The following ATG10 variants were observed in gnomAD, a reference collection of about 807,000 sequenced individuals.
ATG10 encodes the protein ubiquitin-like-conjugating enzyme ATG10.
Under a neutral mutation model 32.1 loss-of-function variants are expected in ATG10, and 30 were observed. The observed-to-expected ratio is 0.94, with a 90% CI of 0.70 to 1.27. The LOEUF is 1.27. ATG10 is among the 50% of genes most tolerant of loss of function. ATG10 has a pLI of 0.00. For missense variants in ATG10, 233 were observed against 262.3 expected (o/e 0.89, Z 0.77); for synonymous variants, 87 against 91.5 (o/e 0.95, Z 0.28).
At chr5:82,009,511 A>T (rs1762071451) in intron 2 of ATG10, 1 of 1,121,712 alleles carries the variant, frequency 8.9e-7, no homozygotes, top group African/African-American at 1.5e-5. Flanking sequence ...AGATTCTAGG[A>T]TACTGCGAGC....
At chr5:82,105,697 G>A (rs1025345986) in intron 3 of ATG10, among the ~76,000 whole-genome samples, 15 of 152,228 alleles carry the variant, frequency 9.9e-5, no homozygotes, top group Admixed American at 9.8e-4. Flanking sequence ...CTTTGTGCCT[G>A]GCTGCCATTG....
intron 5 of ATG10, among the ~76,000 whole-genome samples, chr5:82,205,259 C>T (rs1745246584): frequency 6.6e-6 from 1 of 152,062 alleles, no homozygotes; most frequent in African/African-American, 2.4e-5. Context: ...GGTTTGATGC[C>T]TGAGCTGGGA....
At chr5:82,065,627 AT>A (rs935742566) in intron 3 of ATG10, among the ~76,000 whole-genome samples, 76 of 151,994 alleles carry the variant, frequency 5.0e-4, no homozygotes, top group Non-Finnish European at 6.2e-4. Flanking sequence ...TCAATTTATG[AT>A]TTTTTTTGTA....
intron 3 of ATG10, among the ~76,000 whole-genome samples, chr5:82,125,756 G>C (rs781026135): frequency 1.3e-5 from 2 of 151,934 alleles, no homozygotes; most frequent in Non-Finnish European, 2.9e-5. Flanking sequence ...TGGCTATGAG[G>C]GCTCTTTTTT....
At chr5:82,233,770 G>GA (rs1221246415) in intron 5 of ATG10, among the ~76,000 whole-genome samples, 2 of 151,836 alleles carry the variant, frequency 1.3e-5, no homozygotes, top group South Asian at 2.1e-4. Context: ...ATAGGGGAGA[G>GA]AAAAAAAACT....
At chr5:82,153,389 GA>G (rs1767679717) in intron 3 of ATG10, among the ~76,000 whole-genome samples, 1 of 152,146 alleles carries the variant, frequency 6.6e-6, no homozygotes, top group African/African-American at 2.4e-5. Context: ...TTCTCAAGCA[GA>G]AACTATTGCT....
intron 1 of ATG10, among the ~76,000 whole-genome samples, chr5:81,983,548 G>T (rs1319537231): frequency 2.9e-5 from 4 of 140,144 alleles, no homozygotes; most frequent in South Asian, 4.5e-4. Flanking sequence ...GGGGCCGCTG[G>T]CCGGGCAGAG....
chr5:82,081,101 G>A (rs1344832082), intron 3 of ATG10, among the ~76,000 whole-genome samples: 1 of 152,094 alleles, frequency 6.6e-6, no homozygotes, highest in Non-Finnish European at 1.5e-5. Flanking sequence ...TGGATTCCTA[G>A]GTATTTTATT....
intron 5 of ATG10, among the ~76,000 whole-genome samples, chr5:82,204,710 A>C (rs927210222): frequency 6.6e-6 from 1 of 152,166 alleles, no homozygotes; most frequent in East Asian, 1.9e-4. Context: ...AAGAAGCTAC[A>C]TTTAAGAGGT....
At chr5:82,004,564 T>C (rs1761937119) in intron 2 of ATG10, among the ~76,000 whole-genome samples, 1 of 152,228 alleles carries the variant, frequency 6.6e-6, no homozygotes, top group Non-Finnish European at 1.5e-5. Flanking sequence ...GGACTGTGTC[T>C]CAAATTTCTA....
chr5:82,094,196 T>G (rs1034841409), intron 3 of ATG10, among the ~76,000 whole-genome samples: 3 of 152,188 alleles, frequency 2.0e-5, no homozygotes, highest in African/African-American at 7.2e-5. Flanking sequence ...AATTTGGGCT[T>G]GCCTTGCTTT....
chr5:82,026,856 C>T (rs1006777961), intron 2 of ATG10, among the ~76,000 whole-genome samples: 4 of 151,548 alleles, frequency 2.6e-5, no homozygotes, highest in African/African-American at 2.4e-5. Flanking sequence ...GTCAGGAGTT[C>T]GAGACCACCC....
At chr5:82,139,032 C>T (rs558814089) in intron 3 of ATG10, among the ~76,000 whole-genome samples, 297 of 150,506 alleles carry the variant, frequency 2.0e-3, no homozygotes, top group African/African-American at 6.5e-3. Context: ...TTGGTGGAGA[C>T]GGGGTTTCGC....
At chr5:81,975,763 G>A (rs1760854149) in intron 1 of ATG10, among the ~76,000 whole-genome samples, 2 of 151,468 alleles carry the variant, frequency 1.3e-5, no homozygotes, top group African/African-American at 2.4e-5. Flanking sequence ...TTACTATCTA[G>A]TTTTCTTTTT....
At chr5:82,216,281 C>T (rs548382095) in intron 5 of ATG10, among the ~76,000 whole-genome samples, 69 of 152,214 alleles carry the variant, frequency 4.5e-4, no homozygotes, top group Non-Finnish European at 7.5e-4. Flanking sequence ...TAGTGAATTT[C>T]GCTCTGGCCT....
chr5:82,228,584 G>T (rs1746228527), intron 5 of ATG10, among the ~76,000 whole-genome samples: 1 of 152,136 alleles, frequency 6.6e-6, no homozygotes, highest in Admixed American at 6.5e-5. Context: ...CAATTGTATT[G>T]CATATATTTT....
intron 3 of ATG10, among the ~76,000 whole-genome samples, chr5:82,143,409 C>A (rs1428149847): frequency 1.3e-5 from 2 of 152,200 alleles, no homozygotes; most frequent in Non-Finnish European, 2.9e-5. Flanking sequence ...GGAAGGTGTT[C>A]TAACTGGGAG....
intron 5 of ATG10, among the ~76,000 whole-genome samples, chr5:82,194,649 G>T (rs1018643719): frequency 6.6e-6 from 1 of 152,142 alleles, no homozygotes; most frequent in Non-Finnish European, 1.5e-5. Flanking sequence ...AATAAAAACA[G>T]TGCTTAGATC....
At chr5:81,979,400 C>A (rs1561235539) in intron 1 of ATG10, among the ~76,000 whole-genome samples, 3 of 152,038 alleles carry the variant, frequency 2.0e-5, no homozygotes. Context: ...TGGTGGCGGG[C>A]CCCTGTAGTC....
Sources: allele counts gnomAD v4.1 joint callset (sites outside exome capture counted in the v4.1 genomes callset), GRCh38; gene constraint gnomAD v4.1.1; transcripts MANE v1.5; gene names NCBI Gene and HGNC (gene_info 2026-07-23, HGNC 2026-07-21).